The following PCDHB14 variants were observed in gnomAD, a reference collection of about 807,000 sequenced individuals.
PCDHB14 encodes protocadherin beta-14.
For synonymous variants in PCDHB14, 511 were observed against 441.5 expected, an observed-to-expected ratio of 1.16 and a Z score of -1.97; for missense variants, 1,129 against 1,000.5, an observed-to-expected ratio of 1.13 and a Z score of -1.73.
rs545966122 is a variant in PCDHB14, at chr5:141,226,742, G to A, written c.*840G>A. The stretch of plus-strand genomic sequence containing the variant: ...CCACTACGGCCTGGCTAATTCTTTT[G>A]TATTTTTTTTGTACAGATGGAATCT... On this transcript the variant is annotated 3_prime_UTR_variant, in exon 1 of 1. Coordinates refer to ENST00000239449, the MANE Select transcript of PCDHB14 (RefSeq NM_018934.4). 13 of 152,194 alleles carry A rather than the reference G, an allele frequency of 8.5e-5. No individual in the cohort carries two copies. The East Asian group carries it at 2.5e-3, about 29-fold the overall frequency. 9.4% of individuals were successfully genotyped at this position (152,194 alleles called of 1,614,324 possible). A position where few individuals can be genotyped will look rare whatever the true frequency, so the allele number is the denominator to read the frequency against.
rs1284131349 is a variant in PCDHB14, at chr5:141,227,010, G to A, written c.*1108G>A. ...GATGCCTAGCTAAATTTTTGTATATGTGGTAGAGATGGAGTTTTGCCATGT... is the reference window on the plus strand; with the variant it reads ...GATGCCTAGCTAAATTTTTGTATATATGGTAGAGATGGAGTTTTGCCATGT... On this transcript the variant is annotated 3_prime_UTR_variant, in exon 1 of 1. Transcript: ENST00000239449. 2 of 152,176 alleles carry A rather than the reference G, an allele frequency of 1.3e-5. No individual in the cohort carries two copies. Among genetic ancestry groups the A allele is most frequent in the African/African-American group, 4.8e-5 (2 of 41,414 alleles). 9.4% of individuals were successfully genotyped at this position (152,176 alleles called of 1,614,324 possible).
At position 141,224,831 on chromosome 5, in the gene PCDHB14, T is replaced by C; in HGVS notation, c.1326T>C (p.Ser442=). ...AGTACAACATAACCGTGCTGCTCTC[T>C]GACGTCAATGACAACGCCCCCACCT... is the stretch of plus-strand genomic sequence containing the variant. ...KTEYNITVLL[S]DVNDNAPTFT... is the part of the protein sequence containing the mutation. Residue 442 remains serine, a synonymous_variant, in exon 1 of 1, where the codon TCT becomes TCC. Coordinates refer to ENST00000239449, the MANE Select transcript of PCDHB14 (RefSeq NM_018934.4). The C allele has an allele frequency of 1.2e-6, 2 of 1,614,058 alleles. No homozygotes were observed. The highest frequency in any genetic ancestry group is 1.1e-5 in the South Asian group (1 of 91,080).
chr5:141,226,280 G>A lies in PCDHB14; in HGVS notation c.*378G>A, dbSNP rs983614394. Reference sequence around the variant, plus strand: ...AAAGCATAAAATAAAAATAAAAAGCGTTGCTGAATCTGGGTCGAAAATGTA... The same window carrying A: ...AAAGCATAAAATAAAAATAAAAAGCATTGCTGAATCTGGGTCGAAAATGTA... On this transcript the variant is annotated 3_prime_UTR_variant, in exon 1 of 1. Transcript: ENST00000239449. 7 of 179,806 alleles carry A rather than the reference G, an allele frequency of 3.9e-5. No homozygotes were observed. Among genetic ancestry groups the A allele is most frequent in the South Asian group, 3.4e-4 (2 of 5,940 alleles). 11.1% of individuals were successfully genotyped at this position (179,806 alleles called of 1,614,324 possible). A position where few individuals can be genotyped will look rare whatever the true frequency, so the allele number is the denominator to read the frequency against.
rs1554289038 is a variant in PCDHB14 at position 141,223,742 on chromosome 5, G to C, written c.237G>C (p.Leu79Phe). The C allele has an allele frequency of 6.2e-7, 1 of 1,614,012 alleles. No individual in the cohort carries two copies. Among genetic ancestry groups the C allele is most frequent in the South Asian group, 1.1e-5 (1 of 91,062 alleles). ...ATAAAAAGTATTTGCACCTTGATTT[G>C]CTGACTGGGAATTTGCTCCTAAATG... is the stretch of plus-strand genomic sequence containing the variant. ...DDNKKYLHLDLLTGNLLLNEK... is the reference protein window; with the variant it reads ...DDNKKYLHLDFLTGNLLLNEK... The change falls in exon 1 of 1, where the codon TTG (leucine) becomes TTC (phenylalanine). Residue 79 changes from leucine (L) to phenylalanine (F), a missense_variant. By Grantham distance (22) the Leu-to-Phe change is conservative (BLOSUM62 0). Coordinates refer to ENST00000239449, the MANE Select transcript of PCDHB14 (RefSeq NM_018934.4).
At position 141,225,706 on chromosome 5, in the gene PCDHB14, G is replaced by A. The variant is rs781949601; in HGVS notation, c.2201G>A (p.Gly734Glu). 1.3e-5 allele frequency: 21 copies of A among 1,614,118 alleles called. No individual in the cohort carries two copies. The East Asian group carries it at 4.2e-4, about 33-fold the overall frequency. The change falls in exon 1 of 1, where the codon GGG (glycine) becomes GAG (glutamate). Residue 734 changes from glycine to glutamate, a missense_variant. By Grantham distance (98) the Gly-to-Glu change is moderately conservative (BLOSUM62 -2). Transcript: ENST00000239449. Reference sequence around the variant, plus strand: ...TCGGTGCCCGAGGGTCCCTTTCCAGGGCATCTGGTGGACGTGAGCGGCACC... The same window carrying A: ...TCGGTGCCCGAGGGTCCCTTTCCAGAGCATCTGGTGGACGTGAGCGGCACC... ...RCSVPEGPFP[G>E]HLVDVSGTGT...
In PCDHB14 at chr5:141,223,428, C is replaced by T; in HGVS notation, c.-78C>T. ...GGAGGATACACTCTCCAGGGGGTTCCTGTTAAAAACCAGAGCTTCAGCTTC... is the reference window on the plus strand; with the variant it reads ...GGAGGATACACTCTCCAGGGGGTTCTTGTTAAAAACCAGAGCTTCAGCTTC... On this transcript the variant is annotated 5_prime_UTR_variant, in exon 1 of 1. Coordinates refer to ENST00000239449, the MANE Select transcript of PCDHB14 (RefSeq NM_018934.4). 9.5e-7 allele frequency: 1 copy of T among 1,051,484 alleles called. No individual in the cohort carries two copies. The highest frequency in any genetic ancestry group is 2.4e-5 in the East Asian group (1 of 42,202). The allele number at this position is 1,051,484 out of a possible 1,614,324, so 65.1% of individuals were successfully genotyped here. A position where few individuals can be genotyped will look rare whatever the true frequency, so the allele number is the denominator to read the frequency against.
Position 141,224,489 on chromosome 5 carries a change from A to C in PCDHB14, c.984A>C (p.Ser328=). 6.2e-7 allele frequency: 1 copy of C among 1,613,522 alleles called. No individual in the cohort carries two copies. The highest frequency in any genetic ancestry group is 8.5e-7 in the Non-Finnish European group (1 of 1,179,806). Residue 328 remains serine (S), a synonymous_variant, in exon 1 of 1, where the codon TCA becomes TCC. Coordinates refer to ENST00000239449, the MANE Select transcript of PCDHB14 (RefSeq NM_018934.4). Reference sequence around the variant, plus strand: ...AGGCAACAGATGGTGGGGGTCTTTCAGGAAAATGCACCCTTCTAGTTAAAG... The same window carrying C: ...AGGCAACAGATGGTGGGGGTCTTTCCGGAAAATGCACCCTTCTAGTTAAAG... ...NIQATDGGGL[S]GKCTLLVKVM...
Position 141,225,602 on chromosome 5 carries a change from G to C in PCDHB14, c.2097G>C (p.Ser699=), listed in dbSNP as rs1244167192. The C allele has an allele frequency of 1.2e-5, 19 of 1,611,732 alleles. No homozygotes were observed. The highest frequency in any genetic ancestry group is 1.6e-5 in the Non-Finnish European group (19 of 1,179,838). Residue 699 remains serine (S), a synonymous_variant, in exon 1 of 1, where the codon TCG becomes TCC. Transcript: ENST00000239449. The stretch of plus-strand genomic sequence containing the variant: ...TGGTGGCATTGGCCTCGGTGTCGTC[G>C]CTCTTCCTCTTCTCGGTGCTCCTGT... ...YLVVALASVS[S]LFLFSVLLFV...
chr5:141,224,399 TG>T lies in PCDHB14; in HGVS notation c.898del (p.Glu300LysfsTer4). 6.2e-7 allele frequency: 1 copy of T among 1,607,358 alleles called. No individual in the cohort carries two copies. Among genetic ancestry groups the T allele is most frequent in the Non-Finnish European group, 8.5e-7 (1 of 1,177,272 alleles). On this transcript the variant is annotated frameshift_variant, in exon 1 of 1. Coordinates refer to ENST00000239449, the MANE Select transcript of PCDHB14 (RefSeq NM_018934.4). LOFTEE classifies it low-confidence loss of function (END_TRUNC). ...RKTFEINPIS[G>X]EVNLRSPLDF... ...AAACATTTGAAATTAATCCAATATCTGGGGAAGTTAATTTGAGATCACCCCT... is the reference window on the plus strand; with the variant it reads ...AAACATTTGAAATTAATCCAATATCTGGGAAGTTAATTTGAGATCACCCCT...
In PCDHB14 at chr5:141,223,959, T is replaced by C. The variant is rs1287611290; in HGVS notation, c.454T>C (p.Phe152Leu). ...ISEGTTVGAT[F>L]LMESAQDLDV... ...AGAAGGTACCACTGTTGGAGCTACC[T>C]TTCTAATGGAGAGTGCTCAAGATTT... is the stretch of plus-strand genomic sequence containing the variant. The change falls in exon 1 of 1, where the codon TTT becomes CTT. Residue 152 changes from phenylalanine (F) to leucine (L), a missense_variant. Transcript: ENST00000239449. The C allele has an allele frequency of 7.4e-6, 12 of 1,613,904 alleles. No individual in the cohort carries two copies. The highest frequency in any genetic ancestry group is 1.3e-5 in the African/African-American group (1 of 74,928).
chr5:141,224,601 G>T lies in PCDHB14; in HGVS notation c.1096G>T (p.Ala366Ser), dbSNP rs782652256. The change falls in exon 1 of 1, where the codon GCT (alanine) becomes TCT (serine). Residue 366 changes from alanine to serine, a missense_variant. Ala to Ser is a moderately conservative substitution (Grantham distance 99). Coordinates refer to ENST00000239449, the MANE Select transcript of PCDHB14 (RefSeq NM_018934.4). ...AGAGAATGCCTCAGAGACCCTAGTA[G>T]CTCTTTTTAGTATCCTAGACCAAGA... is the stretch of plus-strand genomic sequence containing the variant. ...IPENASETLV[A>S]LFSILDQDSG... 1.9e-6 allele frequency: 3 copies of T among 1,613,902 alleles called. No individual in the cohort carries two copies. Among genetic ancestry groups the T allele is most frequent in the Admixed American group, 1.7e-5 (1 of 59,966 alleles).
chr5:141,226,011 A>G lies in PCDHB14; in HGVS notation c.*109A>G. 1 of 955,354 alleles carries G rather than the reference A, an allele frequency of 1.0e-6. No individual in the cohort carries two copies. Among genetic ancestry groups the G allele is most frequent in the Non-Finnish European group, 1.6e-6 (1 of 641,360 alleles). 59.2% of individuals were successfully genotyped at this position (955,354 alleles called of 1,614,324 possible). On this transcript the variant is annotated 3_prime_UTR_variant, in exon 1 of 1. Coordinates refer to ENST00000239449, the MANE Select transcript of PCDHB14 (RefSeq NM_018934.4). ...TTGTACTGTAGTTGCATGCATGATTATAGCTCTTGTTTTTCTCACAGTTTC... is the reference window on the plus strand; with the variant it reads ...TTGTACTGTAGTTGCATGCATGATTGTAGCTCTTGTTTTTCTCACAGTTTC...
chr5:141,223,985 G>C lies in PCDHB14; in HGVS notation c.480G>C (p.Leu160Phe). Residue 160 changes from leucine (L) to phenylalanine (F), a missense_variant, in exon 1 of 1, where the codon TTG (leucine) becomes TTC (phenylalanine). Physicochemically the swap from Leu to Phe is conservative, Grantham distance 22. Coordinates refer to ENST00000239449, the MANE Select transcript of PCDHB14 (RefSeq NM_018934.4). ...TTCTAATGGAGAGTGCTCAAGATTT[G>C]GATGTCGGAAGCAACAGTCTCCAAA... ...ATFLMESAQD[L>F]DVGSNSLQNY... 2 of 1,613,520 alleles carry C rather than the reference G, an allele frequency of 1.2e-6. No homozygotes were observed. Among genetic ancestry groups the C allele is most frequent in the Non-Finnish European group, 8.5e-7 (1 of 1,179,848 alleles).
At position 141,225,504 on chromosome 5, in the gene PCDHB14, T is replaced by C. The variant is rs1554289511; in HGVS notation, c.1999T>C (p.Ser667Pro). The C allele has an allele frequency of 6.2e-7, 1 of 1,607,366 alleles. No homozygotes were observed. The highest frequency in any genetic ancestry group is 8.5e-7 in the Non-Finnish European group (1 of 1,179,694). Reference sequence around the variant, plus strand: ...GCACGTGCTCCTGGTGGACGGCTTCTCCCAGCCCTACCTGCCGCTCCCTGA... The same window carrying C: ...GCACGTGCTCCTGGTGGACGGCTTCCCCCAGCCCTACCTGCCGCTCCCTGA... ...TLHVLLVDGF[S>P]QPYLPLPEAA... Residue 667 changes from serine to proline, a missense_variant, in exon 1 of 1, where the codon TCC (serine) becomes CCC (proline). Ser to Pro is a moderately conservative substitution (Grantham distance 74). Coordinates refer to ENST00000239449, the MANE Select transcript of PCDHB14 (RefSeq NM_018934.4).
In PCDHB14 at chr5:141,225,450, G is replaced by A. The variant is rs1221254588; in HGVS notation, c.1945G>A (p.Glu649Lys). Residue 649 changes from glutamate (E) to lysine (K), a missense_variant, in exon 1 of 1, where the codon GAG (glutamate) becomes AAG (lysine). By Grantham distance (56) the Glu-to-Lys change is moderately conservative. Transcript: ENST00000239449. Reference sequence around the variant, plus strand: ...GGTGGTGCTGGTCAAGGACAATGGCGAGCCTCCTCGCTCGGCCACCGCCAC... The same window carrying A: ...GGTGGTGCTGGTCAAGGACAATGGCAAGCCTCCTCGCTCGGCCACCGCCAC... ...RLVVLVKDNG[E>K]PPRSATATLH... 8 of 1,603,558 alleles carry A rather than the reference G, an allele frequency of 5.0e-6. No individual in the cohort carries two copies. The highest frequency in any genetic ancestry group is 5.1e-6 in the Non-Finnish European group (6 of 1,179,254).
Position 141,225,186 on chromosome 5 carries a change from G to C in PCDHB14, c.1681G>C (p.Val561Leu). The change falls in exon 1 of 1, where the codon GTG (valine) becomes CTG (leucine). Residue 561 changes from valine (V) to leucine (L), a missense_variant. Transcript: ENST00000239449. ...VLDANDNSPFVLYPLQNGSAP... is the reference protein window; with the variant it reads ...VLDANDNSPFLLYPLQNGSAP... ...GGACGCCAACGACAACTCGCCCTTC[G>C]TGCTGTACCCGCTGCAGAACGGCTC... 6.2e-7 allele frequency: 1 copy of C among 1,609,924 alleles called. No individual in the cohort carries two copies. Among genetic ancestry groups the C allele is most frequent in the Non-Finnish European group, 8.5e-7 (1 of 1,179,466 alleles).
Position 141,225,037 on chromosome 5 carries a change from G to A in PCDHB14, c.1532G>A (p.Gly511Asp), listed in dbSNP as rs1554289316. 6.2e-7 allele frequency: 1 copy of A among 1,612,612 alleles called. No homozygotes were observed. Among genetic ancestry groups the A allele is most frequent in the African/African-American group, 1.3e-5 (1 of 75,002 alleles). Residue 511 changes from glycine (G) to aspartate (D), a missense_variant, in exon 1 of 1, where the codon GGC becomes GAC. Transcript: ENST00000239449. ...ASLVSINADN[G>D]HLFALRSLDY... is the part of the protein sequence containing the mutation. ...TTGGTCTCCATCAACGCGGACAATG[G>A]CCACCTGTTTGCCCTCAGGTCGCTG...
rs1754794100 is a variant in PCDHB14 at position 141,224,547 on chromosome 5, A to G, written c.1042A>G (p.Thr348Ala). Reference protein sequence around the residue: ...MDINDNPPEVTISSITKRIPE... With the variant: ...MDINDNPPEVAISSITKRIPE... ...TATAAACGACAACCCACCAGAAGTG[A>G]CCATATCGTCGATTACAAAGAGAAT... Residue 348 changes from threonine to alanine, a missense_variant, in exon 1 of 1, where the codon ACC becomes GCC. Physicochemically the swap from Thr to Ala is moderately conservative, Grantham distance 58. Transcript: ENST00000239449. 1 of 1,612,732 alleles carries G rather than the reference A, an allele frequency of 6.2e-7. No individual in the cohort carries two copies. Among genetic ancestry groups the G allele is most frequent in the East Asian group, 2.2e-5 (1 of 44,860 alleles).
rs782306872 is a variant in PCDHB14 at position 141,225,405 on chromosome 5, G to A, written c.1900G>A (p.Asp634Asn). 6.7e-5 allele frequency: 108 copies of A among 1,604,672 alleles called. No homozygotes were observed. Among genetic ancestry groups the A allele is most frequent in the Non-Finnish European group, 6.4e-5 (75 of 1,179,434 alleles). The change falls in exon 1 of 1, where the codon GAC becomes AAC. Residue 634 changes from aspartate (D) to asparagine (N), a missense_variant. Physicochemically the swap from Asp to Asn is conservative, Grantham distance 23. Coordinates refer to ENST00000239449, the MANE Select transcript of PCDHB14 (RefSeq NM_018934.4). The stretch of plus-strand genomic sequence containing the variant: ...CACCGCCAGGCTGCTGAGCGAGCGC[G>A]ACGCGGCCAAGCACAGGCTGGTGGT... ...VRTARLLSER[D>N]AAKHRLVVLV...
Sources: gnomAD v4.1 joint callset for allele counts on GRCh38, gnomAD v4.1.1 for gene constraint, MANE v1.5 for transcripts, NCBI Gene and HGNC (gene_info 2026-07-23, HGNC 2026-07-21) for gene names.